The following COBLL1 variants were observed in gnomAD, a reference collection of about 807,000 sequenced individuals.
COBLL1 encodes cordon-bleu protein-like 1.
Under a neutral mutation model 94.8 loss-of-function variants are expected in COBLL1, and 50 were observed. The observed-to-expected ratio is 0.53, with a 90% CI of 0.42 to 0.67. The LOEUF (loss-of-function observed/expected upper bound fraction) is 0.67. Among genes scored for constraint, COBLL1 ranks in the 30% least tolerant of loss-of-function variants. The probability of loss-of-function intolerance (pLI) is 0.00; values close to 1 mark genes in which losing one functional copy is unlikely to be tolerated. For missense variants in COBLL1, 1,362 were observed against 1,348.7 expected (o/e 1.01, Z -0.15); for synonymous variants, 448 against 473.8 (o/e 0.95, Z 0.71).
intron 2 of COBLL1, among the ~76,000 whole-genome samples, chr2:164,829,687 T>C (rs1291692300): frequency 6.6e-6 from 1 of 152,158 alleles, no homozygotes; most frequent in Non-Finnish European, 1.5e-5. Flanking sequence ...TATCAAATTG[T>C]ATATGAACAG....
At chr2:164,817,376 A>AAG (rs927461771) in intron 2 of COBLL1, among the ~76,000 whole-genome samples, 10 of 146,306 alleles carry the variant, frequency 6.8e-5, no homozygotes, top group African/African-American at 2.0e-4. Flanking sequence ...AAAAAAAAAA[A>AAG]AAGAAGAAGA....
intron 2 of COBLL1, among the ~76,000 whole-genome samples, chr2:164,815,258 G>A (rs1030308863): frequency 6.6e-6 from 1 of 152,006 alleles, no homozygotes. Context: ...AATTAGCTGG[G>A]TGTGGTGGTG....
chr2:164,826,731 A>G (rs964628368), intron 2 of COBLL1, among the ~76,000 whole-genome samples: 3 of 152,214 alleles, frequency 2.0e-5, no homozygotes, highest in Non-Finnish European at 4.4e-5. Context: ...AACCAAAACT[A>G]ATGCTGTTAA....
intron 2 of COBLL1, among the ~76,000 whole-genome samples, chr2:164,770,915 A>C (rs942342665): frequency 6.6e-6 from 1 of 152,142 alleles, no homozygotes; most frequent in African/African-American, 2.4e-5. Context: ...GTCAAGATAC[A>C]GGAGCTAAAA....
chr2:164,771,217 C>A (rs1047620200), intron 2 of COBLL1, among the ~76,000 whole-genome samples: 5 of 151,878 alleles, frequency 3.3e-5, no homozygotes, highest in African/African-American at 4.8e-5. Context: ...TTTAAGAAAC[C>A]ACAGATGACG....
chr2:164,704,503 T>C lies in COBLL1; in HGVS notation c.1166A>G (p.Asp389Gly), dbSNP rs1473595366. The change falls in exon 9 of 14, where the codon GAT becomes GGT. Residue 389 changes from aspartate to glycine, a missense_variant. By Grantham distance (94) the Asp-to-Gly change is moderately conservative. Transcript: ENST00000652658. ...TGAAGCACTGTCTGGAGGAACTCCA[T>C]CTACTGGCTGTAAGGCTAAAGGAAA... ...NSRVTALQPV[D>G]GVPPDSASEA... 1.2e-6 allele frequency: 2 copies of C among 1,613,238 alleles called. No homozygotes were observed. The highest frequency in any genetic ancestry group is 1.7e-6 in the Non-Finnish European group (2 of 1,179,188).
intron 2 of COBLL1, among the ~76,000 whole-genome samples, chr2:164,790,516 C>T (rs1559018968): frequency 6.6e-6 from 1 of 152,156 alleles, no homozygotes; most frequent in Non-Finnish European, 1.5e-5. Flanking sequence ...ATGTCACACG[C>T]AATCTTGTTT....
rs970169132 is a variant in COBLL1, at chr2:164,683,821, T to G, written c.*2125A>C. The G allele has an allele frequency of 6.6e-6, 1 of 152,188 alleles. No individual in the cohort carries two copies. Among genetic ancestry groups the G allele is most frequent in the Non-Finnish European group, 1.5e-5 (1 of 68,026 alleles). 9.4% of individuals were successfully genotyped at this position (152,188 alleles called of 1,614,324 possible). On this transcript the variant is annotated 3_prime_UTR_variant, in exon 14 of 14. Transcript: ENST00000652658. Reference sequence around the variant, plus strand: ...ATAGCTCTAGCTTGTTCATTTGGACTGCTGTGTGGAAGTCTATCATATGAA... The same window carrying G: ...ATAGCTCTAGCTTGTTCATTTGGACGGCTGTGTGGAAGTCTATCATATGAA...
At chr2:164,805,005 A>G (rs988186066) in intron 2 of COBLL1, among the ~76,000 whole-genome samples, 1 of 152,028 alleles carries the variant, frequency 6.6e-6, no homozygotes, top group Non-Finnish European at 1.5e-5. Flanking sequence ...AAGTCATTTT[A>G]TATGTCTCCT....
intron 2 of COBLL1, among the ~76,000 whole-genome samples, chr2:164,835,730 T>C (rs1683290506): frequency 6.6e-6 from 1 of 152,210 alleles, no homozygotes; most frequent in South Asian, 2.1e-4. Flanking sequence ...AGGACATAGT[T>C]TGCTGACCCA....
chr2:164,684,414 C>T lies in COBLL1; in HGVS notation c.*1532G>A, dbSNP rs921209908. 6.6e-6 allele frequency: 1 copy of T among 151,918 alleles called. No homozygotes were observed. The highest frequency in any genetic ancestry group is 2.4e-5 in the African/African-American group (1 of 41,358). The allele number at this position is 151,918 out of a possible 1,614,324, so 9.4% of individuals were successfully genotyped here. ...TATTTTTATAAGTAGATAATTATGACAACACAATTTTTTAAAAAAAATTCA... is the reference window on the plus strand; with the variant it reads ...TATTTTTATAAGTAGATAATTATGATAACACAATTTTTTAAAAAAAATTCA... On this transcript the variant is annotated 3_prime_UTR_variant, in exon 14 of 14. Transcript: ENST00000652658.
At chr2:164,702,294 T>C (rs1218710008) in intron 9 of COBLL1, among the ~76,000 whole-genome samples, 4 of 152,060 alleles carry the variant, frequency 2.6e-5, no homozygotes, top group Admixed American at 1.3e-4. Flanking sequence ...CTGGGCGTGG[T>C]GGCTCACGCC....
At chr2:164,833,597 C>T (rs1410888542) in intron 2 of COBLL1, among the ~76,000 whole-genome samples, 2 of 151,884 alleles carry the variant, frequency 1.3e-5, no homozygotes, top group South Asian at 2.1e-4. Context: ...ATTACAGGCG[C>T]CCGCCACCAC....
Position 164,680,937 on chromosome 2 carries a change from G to A in COBLL1, c.*5009C>T, listed in dbSNP as rs1312520239. ...TGAGAGAAAACTATAGAGAAAGGGA[G>A]AGAATATACTTTTGCACTACGACTA... On this transcript the variant is annotated 3_prime_UTR_variant, in exon 14 of 14. Coordinates refer to ENST00000652658, the MANE Select transcript of COBLL1 (RefSeq NM_001365672.2). The A allele has an allele frequency of 6.6e-6, 1 of 152,096 alleles. No individual in the cohort carries two copies. The highest frequency in any genetic ancestry group is 1.5e-5 in the Non-Finnish European group (1 of 68,028). The allele number at this position is 152,096 out of a possible 1,614,324, so 9.4% of individuals were successfully genotyped here.
At chr2:164,817,406 GA>G (rs1315917376) in intron 2 of COBLL1, among the ~76,000 whole-genome samples, 17 of 135,714 alleles carry the variant, frequency 1.3e-4, no homozygotes, top group African/African-American at 3.8e-4. Flanking sequence ...TAGAACAACA[GA>G]GATAAAAATA....
At chr2:164,839,006 A>T (rs778858031) in intron 2 of COBLL1, among the ~76,000 whole-genome samples, 1 of 152,236 alleles carries the variant, frequency 6.6e-6, no homozygotes, top group Non-Finnish European at 1.5e-5. Context: ...ATCTTATATG[A>T]CAGGCATTCG....
At chr2:164,737,110 TATG>T (rs1285797798) in intron 3 of COBLL1, among the ~76,000 whole-genome samples, 1 of 152,118 alleles carries the variant, frequency 6.6e-6, no homozygotes, top group African/African-American at 2.4e-5. Context: ...TGCAGTGAGC[TATG>T]ATTACACCAC....
chr2:164,692,158 A>G, intron 13 of COBLL1, 63 bp downstream of exon 13: 4 of 1,427,808 alleles, frequency 2.8e-6, no homozygotes, highest in Non-Finnish European at 3.7e-6. Flanking sequence ...ATTTTTCCCT[A>G]AGTATTAGTT....
chr2:164,677,807 T>C (rs773549096), downstream of COBLL1, among the ~76,000 whole-genome samples: 2 of 152,174 alleles, frequency 1.3e-5, no homozygotes, highest in Non-Finnish European at 2.9e-5. Flanking sequence ...TCTAGAGAGA[T>C]AAATGGATAT....
Sources: gnomAD v4.1 joint callset for allele counts (sites outside exome capture counted in the v4.1 genomes callset) on GRCh38, gnomAD v4.1.1 for gene constraint, MANE v1.5 for transcripts, NCBI Gene and HGNC (gene_info 2026-07-23, HGNC 2026-07-21) for gene names.